Variants in AP2A2 observed in about 807,000 individuals in gnomAD.
AP2A2 encodes the protein adaptor related protein complex 2 subunit alpha 2.
AP2A2 carries 32 observed loss-of-function variants against 104.2 expected under a neutral mutation model. The ratio of observed to expected loss-of-function variants is 0.31; its 90% CI spans 0.23 to 0.41. The LOEUF (loss-of-function observed/expected upper bound fraction) is 0.41, where lower values mean the gene tolerates loss of function less well. Ranked by LOEUF, AP2A2 falls within the 10% of genes least tolerant of loss-of-function variation. AP2A2 has a pLI of 1.00. For synonymous variants in AP2A2, 539 were observed against 533.3 expected (o/e 1.01, Z -0.15); for missense variants, 912 against 1,261.0 (o/e 0.72, Z 4.19).
In AP2A2 at chr11:968,861, C is replaced by T. The variant is rs553877952; in HGVS notation, c.137-1308C>T. On this transcript the variant is annotated intron_variant, in intron 2 of 21. Transcript: ENST00000448903. The surrounding 1 kb of genome is among the most constrained non-coding windows in gnomAD (Gnocchi z 4.2). ...GGTCTTTTAAATTATGTTAATTTGC[C>T]GCTGACAAGGAGGGGGGTTTCTCAT... is the stretch of plus-strand genomic sequence containing the variant. Among the ~76,000 whole-genome samples, 7 of 152,270 alleles carry T rather than the reference C, an allele frequency of 4.6e-5. No individual in the cohort carries two copies. The highest frequency in any genetic ancestry group is 7.4e-5 in the Non-Finnish European group (5 of 68,026).
At chr11:987,774 C>T (rs1377649487) in intron 9 of AP2A2, among the ~76,000 whole-genome samples, 1 of 152,252 alleles carries the variant, frequency 6.6e-6, no homozygotes, top group Non-Finnish European at 1.5e-5. Context: ...TGCGGTGTGT[C>T]CACCAAGTCC....
rs999662238 is a variant in AP2A2, at chr11:984,651, A to G, written c.712A>G (p.Thr238Ala). 12 of 1,611,524 alleles carry G rather than the reference A, an allele frequency of 7.4e-6. No homozygotes were observed. The highest frequency in any genetic ancestry group is 9.3e-6 in the Non-Finnish European group (11 of 1,177,924). The part of the protein sequence containing the change: ...LAVSRLSRIV[T>A]SASTDLQDYT... Reference sequence around the variant, plus strand: ...TGCCTGTGCTGTCTTACAGATCGTGACGTCTGCATCCACAGATCTCCAGGA... The same window carrying G: ...TGCCTGTGCTGTCTTACAGATCGTGGCGTCTGCATCCACAGATCTCCAGGA... The change falls in exon 7 of 22, where the codon ACG (threonine) becomes GCG (alanine). Residue 238 changes from threonine (T) to alanine (A), a missense_variant. By Grantham distance (58) the Thr-to-Ala change is moderately conservative. Around this residue, in one of 7 missense-constraint regions of AP2A2, gnomAD observed 350 missense variants for 487.0 expected, o/e 0.72. Transcript: ENST00000448903.
intron 1 of AP2A2, among the ~76,000 whole-genome samples, chr11:937,541 G>A (rs991789733): frequency 1.3e-5 from 2 of 152,224 alleles, no homozygotes; most frequent in African/African-American, 4.8e-5. Flanking sequence ...CTAGGAGGTT[G>A]AGGCTGCAGC....
Position 1,011,974 on chromosome 11 carries a change from G to A in AP2A2, c.*1349G>A, listed in dbSNP as rs2133804428. ...CGCACAGGCCATTCTGGGTCTGGTG[G>A]TGCCAGGTGCCGTGACACGCCGTGC... On this transcript the variant is annotated 3_prime_UTR_variant, in exon 22 of 22. Transcript: ENST00000448903. 6.2e-6 allele frequency: 1 copy of A among 161,238 alleles called. No homozygotes were observed. Among genetic ancestry groups the A allele is most frequent in the South Asian group, 1.8e-4 (1 of 5,604 alleles). 10.0% of individuals were successfully genotyped at this position (161,238 alleles called of 1,614,324 possible).
chr11:927,816 CAAA>C lies in AP2A2; in HGVS notation c.67+1750_67+1752del, dbSNP rs35472837. 8.7e-5 allele frequency among the ~76,000 whole-genome samples: 6 copies of C among 68,830 alleles called. No homozygotes were observed. In the South Asian group the frequency reaches 5.4e-3, roughly 62 times the overall value. The allele number at this position is 68,830 out of a possible 152,430, so 45.2% of individuals were successfully genotyped here. ...GGGTGACAGAGTGAGACCTTTCTCACAAAAAAAAAAAAAAAAAAAAAAAAGGCT... is the reference window on the plus strand; with the variant it reads ...GGGTGACAGAGTGAGACCTTTCTCACAAAAAAAAAAAAAAAAAAAAAGGCT... On this transcript the variant is annotated intron_variant, in intron 1 of 21. Coordinates refer to ENST00000448903, the MANE Select transcript of AP2A2 (RefSeq NM_012305.4).
intron 1 of AP2A2, among the ~76,000 whole-genome samples, chr11:935,715 C>A (rs1853437318): frequency 6.8e-6 from 1 of 146,682 alleles, no homozygotes; most frequent in Admixed American, 7.0e-5. Flanking sequence ...TCAAACAATT[C>A]TCTGTCTCAG....
Position 995,454 on chromosome 11 carries a change from G to A in AP2A2, c.1956+1209G>A, listed in dbSNP as rs544863506. 780 of 455,572 alleles carry A rather than the reference G, an allele frequency of 1.7e-3. 3 individuals are homozygous for A. The highest frequency in any genetic ancestry group is 2.9e-3 in the Non-Finnish European group (665 of 226,548). The allele number at this position is 455,572 out of a possible 1,614,324, so 28.2% of individuals were successfully genotyped here. On this transcript the variant is annotated intron_variant, in intron 14 of 21. Transcript: ENST00000448903. ...GTCAGGCGGGCTTTCTGTTTGTCCA[G>A]TTAGAGGACCTGTCTCTCCAGGACG... is the stretch of plus-strand genomic sequence containing the variant.
chr11:998,684 TG>T (rs1381762792), intron 14 of AP2A2, among the ~76,000 whole-genome samples: 9 of 152,052 alleles, frequency 5.9e-5, no homozygotes, highest in African/African-American at 2.2e-4. Flanking sequence ...CTTAGCTGGG[TG>T]GGGGGTTTCT....
At chr11:994,545 T>G (rs1855781431) in intron 14 of AP2A2, among the ~76,000 whole-genome samples, 1 of 140,984 alleles carries the variant, frequency 7.1e-6, no homozygotes, top group South Asian at 2.4e-4. Flanking sequence ...GACGCCCCCC[T>G]GGCCTGTCCC....
At position 1,007,021 on chromosome 11, in the gene AP2A2, C is replaced by T. The variant is rs11826916; in HGVS notation, c.2296+404C>T. 884 of 166,024 alleles carry T rather than the reference C, an allele frequency of 5.3e-3. 12 individuals are homozygous for T. The highest frequency in any genetic ancestry group is 0.019 in the African/African-American group (818 of 42,008). 10.3% of individuals were successfully genotyped at this position (166,024 alleles called of 1,614,324 possible). A position where few individuals can be genotyped will look rare whatever the true frequency, so the allele number is the denominator to read the frequency against. ...ACTGGAGCGCGGTGCGCACCCCAGC[C>T]GAGCTTGTGTGTGCTTCTGGCAGAG... On this transcript the variant is annotated intron_variant, in intron 17 of 21. Transcript: ENST00000448903.
chr11:939,951 C>CTTTTTTT (rs145184268), intron 1 of AP2A2, among the ~76,000 whole-genome samples: 6 of 106,044 alleles, frequency 5.7e-5, no homozygotes, highest in South Asian at 3.0e-4. Context: ...GTTTTGCTTA[C>CTTTTTTT]TTTTTTTTTT....
At position 1,000,527 on chromosome 11, in the gene AP2A2, C is replaced by A; in HGVS notation, c.2052C>A (p.Leu684=). 6.5e-7 allele frequency: 1 copy of A among 1,545,130 alleles called. No homozygotes were observed. Among genetic ancestry groups the A allele is most frequent in the East Asian group, 2.4e-5 (1 of 41,552 alleles). ...PPPSSGGSGL[L]VDVFSDSASV... is the part of the protein sequence containing the mutation. ...CCTCCTCCGGCGGCAGCGGGCTGCT[C>A]GTGGACGTGTTCTCAGACTCGGCCT... The change falls in exon 15 of 22, where the codon CTC becomes CTA. Residue 684 remains leucine (L), a synonymous_variant. Transcript: ENST00000448903.
Position 1,011,072 on chromosome 11 carries a change from C to T in AP2A2, c.*447C>T, listed in dbSNP as rs771901429. On this transcript the variant is annotated 3_prime_UTR_variant, in exon 22 of 22. Coordinates refer to ENST00000448903, the MANE Select transcript of AP2A2 (RefSeq NM_012305.4). ...GCCGTCCTGGTGGCTGCACACCTGGCGTCGTCCTGGGCCCTTGGGAGGAGC... is the reference window on the plus strand; with the variant it reads ...GCCGTCCTGGTGGCTGCACACCTGGTGTCGTCCTGGGCCCTTGGGAGGAGC... 3.7e-5 allele frequency: 23 copies of T among 613,994 alleles called. No homozygotes were observed. Among genetic ancestry groups the T allele is most frequent in the Non-Finnish European group, 5.9e-5 (19 of 322,972 alleles). 38.0% of individuals were successfully genotyped at this position (613,994 alleles called of 1,614,324 possible). A position where few individuals can be genotyped will look rare whatever the true frequency, so the allele number is the denominator to read the frequency against.
intron 5 of AP2A2, among the ~76,000 whole-genome samples, chr11:978,252 G>T (rs545438854): frequency 6.6e-6 from 1 of 152,302 alleles, no homozygotes; most frequent in South Asian, 2.1e-4. Flanking sequence ...GGGGCTGCCT[G>T]CTTTCCCCTG....
chr11:979,253 G>C (rs1855158634), intron 5 of AP2A2, among the ~76,000 whole-genome samples: 1 of 149,984 alleles, frequency 6.7e-6, no homozygotes, highest in Non-Finnish European at 1.5e-5. Flanking sequence ...TTTCCTGGGG[G>C]AACACACCGT....
chr11:954,194 G>A (rs1168657740), intron 1 of AP2A2, among the ~76,000 whole-genome samples: 1 of 152,124 alleles, frequency 6.6e-6, no homozygotes, highest in Non-Finnish European at 1.5e-5. Flanking sequence ...TCCTTTTGAG[G>A]GAGCTGGAGC....
At chr11:941,134 A>G (rs929585017) in intron 1 of AP2A2, among the ~76,000 whole-genome samples, 1 of 152,138 alleles carries the variant, frequency 6.6e-6, no homozygotes, top group Non-Finnish European at 1.5e-5. Flanking sequence ...TATAGACTTG[A>G]AGCCCATCCT....
At chr11:988,433 T>C (rs1180022831) in intron 9 of AP2A2, 119 bp from the exon 10 acceptor site, 2 of 1,294,082 alleles carry the variant, frequency 1.5e-6, no homozygotes, top group African/African-American at 1.5e-5. Context: ...TGGACCTGGA[T>C]GTGCATGTGA....
At chr11:961,753 C>T (rs377153499) in intron 2 of AP2A2, among the ~76,000 whole-genome samples, 1 of 133,534 alleles carries the variant, frequency 7.5e-6, no homozygotes, top group African/African-American at 2.9e-5. Context: ...TCGCCGCCAC[C>T]AGTGAAAAGT....
Sources: allele counts gnomAD v4.1 joint callset (sites outside exome capture counted in the v4.1 genomes callset), GRCh38; gene constraint gnomAD v4.1.1; regional missense constraint gnomAD v4.1.1; non-coding constraint Gnocchi (gnomAD v3.1); transcripts MANE v1.5; gene names NCBI Gene and HGNC (gene_info 2026-07-23, HGNC 2026-07-21).